Variants in PRKCA observed in about 807,000 individuals in gnomAD.
PRKCA encodes protein kinase C alpha.
Under a neutral mutation model 87.0 loss-of-function variants are expected in PRKCA, and 27 were observed. The observed-to-expected ratio is 0.31, with a 90% CI of 0.23 to 0.43. The LOEUF (loss-of-function observed/expected upper bound fraction) is 0.43. PRKCA is among the 20% of genes least tolerant of loss of function. The pLI, the probability that PRKCA is intolerant of heterozygous loss-of-function variation, is 1.00. For synonymous variants in PRKCA, 329 were observed against 311.1 expected, an observed-to-expected ratio of 1.06 and a Z score of -0.61; for missense variants, 518 against 852.3, an observed-to-expected ratio of 0.61 and a Z score of 4.88.
chr17:66,357,661 C>G (rs781599208), intron 2 of PRKCA, among the ~76,000 whole-genome samples: 6 of 152,114 alleles, frequency 3.9e-5, no homozygotes, highest in Non-Finnish European at 7.3e-5. Context: ...AGAAATAATA[C>G]TACCTTTCTC....
At chr17:66,708,104 C>G (rs1973232975) in intron 8 of PRKCA, among the ~76,000 whole-genome samples, 2 of 152,190 alleles carry the variant, frequency 1.3e-5, no homozygotes, top group African/African-American at 4.8e-5. Context: ...GGACTGTCGC[C>G]ATGATGTACA....
chr17:66,378,637 C>T (rs578109789), intron 2 of PRKCA, among the ~76,000 whole-genome samples: 4 of 152,128 alleles, frequency 2.6e-5, no homozygotes, highest in Non-Finnish European at 4.4e-5. Flanking sequence ...TAAAGTCTCA[C>T]GCCTGTAATC....
At chr17:66,489,346 G>A (rs1488641560) in intron 2 of PRKCA, among the ~76,000 whole-genome samples, 1 of 115,834 alleles carries the variant, frequency 8.6e-6, no homozygotes, top group South Asian at 3.0e-4. Flanking sequence ...ATGACCCTTA[G>A]CAGTGCATAT....
intron 5 of PRKCA, among the ~76,000 whole-genome samples, chr17:66,659,190 C>T (rs746733968): frequency 1.3e-4 from 20 of 152,034 alleles, no homozygotes; most frequent in Non-Finnish European, 2.8e-4. Context: ...TGTGCCCCTT[C>T]GTGAGGAACT....
intron 8 of PRKCA, among the ~76,000 whole-genome samples, chr17:66,716,640 A>G (rs1973482395): frequency 6.6e-6 from 1 of 152,304 alleles, no homozygotes; most frequent in South Asian, 2.1e-4. Flanking sequence ...CAGATGTGTC[A>G]ATTATCAACA....
chr17:66,378,191 C>T (rs1239475963), intron 2 of PRKCA, among the ~76,000 whole-genome samples: 4 of 152,018 alleles, frequency 2.6e-5, no homozygotes, highest in East Asian at 1.9e-4. Flanking sequence ...GCTGTGGTGG[C>T]GTGTGCCTGT....
chr17:66,313,288 T>A (rs1471050742), intron 2 of PRKCA, among the ~76,000 whole-genome samples: 1 of 152,218 alleles, frequency 6.6e-6, no homozygotes, highest in African/African-American at 2.4e-5. Flanking sequence ...TATATTTTTT[T>A]AAAGCAAGTT....
intron 3 of PRKCA, among the ~76,000 whole-genome samples, chr17:66,620,336 A>G (rs1170239327): frequency 6.6e-6 from 1 of 152,186 alleles, no homozygotes; most frequent in Non-Finnish European, 1.5e-5. Context: ...CAAAGGGAGT[A>G]GGATTGCCTC....
At chr17:66,502,506 AT>A (rs1363976821) in intron 3 of PRKCA, among the ~76,000 whole-genome samples, 5 of 152,090 alleles carry the variant, frequency 3.3e-5, no homozygotes, top group Non-Finnish European at 7.4e-5. Context: ...AAGTGCTGGG[AT>A]TACAGGTGTG....
chr17:66,591,351 G>T (rs527238057), intron 3 of PRKCA, among the ~76,000 whole-genome samples: 3 of 151,746 alleles, frequency 2.0e-5, no homozygotes, highest in African/African-American at 7.3e-5. Flanking sequence ...TAGGGATGAG[G>T]TCTTGCCGTG....
chr17:66,343,108 T>C (rs1907142209), intron 2 of PRKCA, among the ~76,000 whole-genome samples: 1 of 152,172 alleles, frequency 6.6e-6, no homozygotes, highest in Non-Finnish European at 1.5e-5. Flanking sequence ...ATAATTTTTT[T>C]TTTTGTAGTT....
intron 2 of PRKCA, among the ~76,000 whole-genome samples, chr17:66,313,424 T>C (rs889536024): frequency 1.3e-5 from 2 of 152,238 alleles, no homozygotes; most frequent in African/African-American, 4.8e-5. Context: ...TAAGTTAACA[T>C]ATGTAATGGC....
At chr17:66,624,825 A>AATAAAT (rs1287778127) in intron 3 of PRKCA, among the ~76,000 whole-genome samples, 3 of 147,408 alleles carry the variant, frequency 2.0e-5, no homozygotes, top group African/African-American at 7.4e-5. Context: ...TAAATAAATA[A>AATAAAT]AAAGAATTAT....
chr17:66,702,458 T>C (rs1224778360), intron 8 of PRKCA, among the ~76,000 whole-genome samples: 1 of 152,156 alleles, frequency 6.6e-6, no homozygotes, highest in African/African-American at 2.4e-5. Flanking sequence ...GTTGGTTAAA[T>C]ACAAACTTTC....
At chr17:66,755,729 C>T (rs375454564) in intron 13 of PRKCA, among the ~76,000 whole-genome samples, 2 of 152,132 alleles carry the variant, frequency 1.3e-5, no homozygotes, top group Admixed American at 6.5e-5. Context: ...GGAGCTTAGA[C>T]GTCATCGTTC....
At chr17:66,765,422 A>ATATCTATATATCTATATATCTATATATC (rs1568020882) in intron 13 of PRKCA, among the ~76,000 whole-genome samples, 2,863 of 102,470 alleles carry the variant, frequency 0.028, 96 homozygotes, top group Admixed American at 0.038. Flanking sequence ...CTTTGTCTAT[A>ATATCTATATATCTATATATCTATATATC]TATATATATA....
At chr17:66,423,096 A>C (rs1041809891) in intron 2 of PRKCA, among the ~76,000 whole-genome samples, 3 of 151,596 alleles carry the variant, frequency 2.0e-5, no homozygotes, top group African/African-American at 7.3e-5. Context: ...GGGTGATAAA[A>C]GCGAGACCTT....
At chr17:66,348,711 G>A (rs1011536859) in intron 2 of PRKCA, among the ~76,000 whole-genome samples, 1 of 152,172 alleles carries the variant, frequency 6.6e-6, no homozygotes, top group African/African-American at 2.4e-5. Flanking sequence ...AGATGGGTTT[G>A]CATACTTTCA....
chr17:66,334,186 G>T (rs1906520654), intron 2 of PRKCA, among the ~76,000 whole-genome samples: 1 of 152,122 alleles, frequency 6.6e-6, no homozygotes, highest in Non-Finnish European at 1.5e-5. Context: ...GGAGTTGGAG[G>T]TTACAGTGAG....
Sources: allele counts gnomAD v4.1 joint callset (sites outside exome capture counted in the v4.1 genomes callset), GRCh38; gene constraint gnomAD v4.1.1; transcripts MANE v1.5; gene names NCBI Gene and HGNC (gene_info 2026-07-23, HGNC 2026-07-21).